HERC3: variants seen among roughly 807,000 people sequenced by gnomAD.
HERC3 encodes probable E3 ubiquitin-protein ligase HERC3.
A neutral mutation model predicts 129.9 loss-of-function variants in HERC3; 58 were observed. That is an observed-to-expected ratio of 0.45 (90% CI 0.36 to 0.56). The LOEUF (loss-of-function observed/expected upper bound fraction) is 0.56. HERC3 is among the 20% of genes least tolerant of loss of function. The probability of loss-of-function intolerance (pLI) is 0.00; values close to 1 mark genes in which losing one functional copy is unlikely to be tolerated. For missense variants in HERC3, 835 were observed against 1,244.2 expected (o/e 0.67, Z 4.95); for synonymous variants, 430 against 451.0 (o/e 0.95, Z 0.59).
chr4:88,641,715 A>G (rs1324094107), intron 3 of HERC3, among the ~76,000 whole-genome samples: 1 of 152,222 alleles, frequency 6.6e-6, no homozygotes, highest in Non-Finnish European at 1.5e-5. Flanking sequence ...TCAAATGGAC[A>G]ATTCTTCCAA....
rs979114371 is a variant in HERC3, at chr4:88,699,836, G to A, written c.2658-4262G>A. On this transcript the variant is annotated intron_variant, in intron 23 of 25. Transcript: ENST00000402738. The stretch of plus-strand genomic sequence containing the variant: ...GTTAAACCAGACTGTTTTTTAAAAA[G>A]TCTGGCTTATTGAGGTATCATTTAC... 2.0e-4 allele frequency among the ~76,000 whole-genome samples: 30 copies of A among 152,110 alleles called. 1 individual carries two copies. The highest frequency in any genetic ancestry group is 2.0e-3 in the Admixed American group (30 of 15,276).
the HERC3 span, among the ~76,000 whole-genome samples, chr4:88,566,029 T>C: frequency 6.6e-6 from 1 of 152,174 alleles, no homozygotes; most frequent in Non-Finnish European, 1.5e-5. Flanking sequence ...GTTACATAGG[T>C]AAATTTGTGT....
chr4:88,612,034 A>G (rs891359376), intron 3 of HERC3, among the ~76,000 whole-genome samples: 4 of 152,158 alleles, frequency 2.6e-5, no homozygotes, highest in African/African-American at 4.8e-5. Flanking sequence ...ATCATATACC[A>G]TGTTATACAC....
At chr4:88,698,026 TC>T (rs1734850754) in intron 23 of HERC3, among the ~76,000 whole-genome samples, 1 of 152,088 alleles carries the variant, frequency 6.6e-6, no homozygotes, top group Admixed American at 6.5e-5. Flanking sequence ...GACACCCTGT[TC>T]CCAGCCCACC....
chr4:88,561,418 G>A, the HERC3 span, among the ~76,000 whole-genome samples: 3 of 152,038 alleles, frequency 2.0e-5, no homozygotes, highest in African/African-American at 4.8e-5. Context: ...GGGTACATGG[G>A]ATATTTTGAT....
At chr4:88,703,770 C>T (rs1437005768) in intron 23 of HERC3, among the ~76,000 whole-genome samples, 2 of 151,924 alleles carry the variant, frequency 1.3e-5, no homozygotes, top group African/African-American at 2.4e-5. Context: ...TTATTTTTTC[C>T]ACACTAAATT....
intron 3 of HERC3, among the ~76,000 whole-genome samples, chr4:88,648,583 A>G (rs1728939096): frequency 6.6e-6 from 1 of 152,112 alleles, no homozygotes; most frequent in Admixed American, 6.6e-5. Context: ...GTTCTATTGT[A>G]TATAAACATG....
chr4:88,656,382 T>C, intron 9 of HERC3: 1 of 210,680 alleles, frequency 4.7e-6, no homozygotes, highest in East Asian at 1.1e-4. Flanking sequence ...TGGGGAGGCC[T>C]CAGGAATCTT....
At chr4:88,594,817 C>T (rs1280062232) in intron 1 of HERC3, among the ~76,000 whole-genome samples, 1 of 151,994 alleles carries the variant, frequency 6.6e-6, no homozygotes, top group African/African-American at 2.4e-5. Flanking sequence ...GGTGCAGTGA[C>T]TGGCTGGGCG....
At chr4:88,667,320 C>G in intron 12 of HERC3, 57 bp from the exon 13 acceptor site, 2 of 871,438 alleles carry the variant, frequency 2.3e-6, no homozygotes, top group Non-Finnish European at 3.6e-6. Context: ...TTTATAATTC[C>G]TATCAGAGTG....
rs1578349770 is a variant in HERC3 at position 88,699,313 on chromosome 4, TCTTCCTCC to T, written c.2658-4783_2658-4776del. On this transcript the variant is annotated intron_variant, in intron 23 of 25. Coordinates refer to ENST00000402738, the MANE Select transcript of HERC3 (RefSeq NM_014606.3). ...CCCACCCACCCACCCAGCCCCACCCTCTTCCTCCCCACCCACCCACGCAGCCCCACCCT... is the reference window on the plus strand; with the variant it reads ...CCCACCCACCCACCCAGCCCCACCCTCCACCCACCCACGCAGCCCCACCCT... Among the ~76,000 whole-genome samples the T allele has an allele frequency of 1.2e-4, 3 of 24,052 alleles. 1 individual carries two copies. The highest frequency in any genetic ancestry group is 9.2e-4 in the African/African-American group (1 of 1,084). 15.8% of individuals were successfully genotyped at this position (24,052 alleles called of 152,430 possible). A position where few individuals can be genotyped will look rare whatever the true frequency, so the allele number is the denominator to read the frequency against.
intron 3 of HERC3, among the ~76,000 whole-genome samples, chr4:88,647,162 G>A (rs527529179): frequency 1.3e-4 from 20 of 152,276 alleles, no homozygotes; most frequent in African/African-American, 4.8e-4. Flanking sequence ...TTGGAATCCA[G>A]GTGTTCCCTT....
At chr4:88,563,206 G>T in the HERC3 span, among the ~76,000 whole-genome samples, 2 of 152,076 alleles carry the variant, frequency 1.3e-5, no homozygotes, top group African/African-American at 2.4e-5. Flanking sequence ...CCATCACAGA[G>T]ATCTTTCATT....
At chr4:88,558,414 A>G in the HERC3 span, among the ~76,000 whole-genome samples, 1 of 152,170 alleles carries the variant, frequency 6.6e-6, no homozygotes. Flanking sequence ...AAAACCAAAT[A>G]TCATATGTTC....
At position 88,678,011 on chromosome 4, in the gene HERC3, C is replaced by T; in HGVS notation, c.2073C>T (p.Thr691=). The change falls in exon 19 of 26, where the codon ACC becomes ACT. Residue 691 remains threonine, a synonymous_variant. Transcript: ENST00000402738. The part of the protein sequence containing the change: ...ANLQNVFMLL[T]LEPLLARSPF... ...TGCAGAATGTCTTCATGCTTCTCAC[C>T]CTGGAGCCTCTGCTGGCCAGAAGCC... The T allele has an allele frequency of 6.2e-7, 1 of 1,613,812 alleles. No homozygotes were observed. The highest frequency in any genetic ancestry group is 1.7e-5 in the Admixed American group (1 of 60,016).
the HERC3 span, among the ~76,000 whole-genome samples, chr4:88,556,983 T>C: frequency 6.6e-6 from 1 of 152,126 alleles, no homozygotes; most frequent in African/African-American, 2.4e-5. Context: ...GTACCTTATA[T>C]TCACATATAT....
the HERC3 span, chr4:88,523,899 A>C: frequency 3.6e-6 from 2 of 556,694 alleles, no homozygotes; most frequent in South Asian, 2.5e-5. Context: ...CGTCATCTAT[A>C]GTCCGGAGGA....
chr4:88,606,090 A>G (rs750202130), intron 3 of HERC3, 41 bp downstream of exon 3: 5 of 1,524,964 alleles, frequency 3.3e-6, no homozygotes, highest in African/African-American at 1.4e-5. Flanking sequence ...GTGAGAATGG[A>G]AAGTTGGAGG....
chr4:88,689,797 C>T (rs376547730), intron 23 of HERC3, among the ~76,000 whole-genome samples: 8 of 152,150 alleles, frequency 5.3e-5, no homozygotes, highest in East Asian at 1.9e-4. Context: ...AGACTGGTCT[C>T]GAACTCCTGA....
Sources: gnomAD v4.1 joint callset for allele counts (sites outside exome capture counted in the v4.1 genomes callset) on GRCh38, gnomAD v4.1.1 for gene constraint, MANE v1.5 for transcripts, NCBI Gene and HGNC (gene_info 2026-07-23, HGNC 2026-07-21) for gene names.